Variants in CAB39L observed in about 807,000 individuals in gnomAD.
The protein encoded by CAB39L is calcium binding protein 39 like.
CAB39L carries 23 observed loss-of-function variants against 39.1 expected under a neutral mutation model. That is an observed-to-expected ratio of 0.59 (90% CI 0.42 to 0.83). The LOEUF (loss-of-function observed/expected upper bound fraction) is 0.83. Ranked by LOEUF, CAB39L falls within the 40% of genes least tolerant of loss-of-function variation. The pLI is 0.00. For synonymous variants in CAB39L, 126 were observed against 137.2 expected (o/e 0.92, Z 0.57); for missense variants, 366 against 391.9 (o/e 0.93, Z 0.56).
intron 4 of CAB39L, 142 bp from the exon 5 acceptor site, chr13:49,377,273 AAC>A (rs1956096471): frequency 2.5e-6 from 1 of 394,226 alleles, no homozygotes; most frequent in Non-Finnish European, 4.4e-6. Context: ...AACAAACAAA[AAC>A]AGTGAGGGGA....
chr13:49,337,460 C>G (rs1180174504), intron 9 of CAB39L, among the ~76,000 whole-genome samples: 1 of 152,156 alleles, frequency 6.6e-6, no homozygotes, highest in Non-Finnish European at 1.5e-5. Context: ...CCCACCTCCC[C>G]CTGGCCACAT....
chr13:49,424,375 C>T (rs115674289), intron 3 of CAB39L, among the ~76,000 whole-genome samples: 2,441 of 152,260 alleles, frequency 0.016, 65 homozygotes, highest in African/African-American at 0.055. Context: ...AACACTTTTA[C>T]AAAGCACTTA....
chr13:49,362,711 A>G (rs1300240563), intron 5 of CAB39L, among the ~76,000 whole-genome samples: 3 of 152,118 alleles, frequency 2.0e-5, no homozygotes, highest in Non-Finnish European at 4.4e-5. Context: ...AGAACTTCCC[A>G]AACCTAGAGA....
chr13:49,358,328 T>C (rs1038757533), intron 6 of CAB39L, among the ~76,000 whole-genome samples: 2 of 152,202 alleles, frequency 1.3e-5, no homozygotes, highest in African/African-American at 4.8e-5. Flanking sequence ...TATTAAAATT[T>C]AAAATTATGA....
chr13:49,338,429 C>T (rs1295687041), intron 9 of CAB39L, among the ~76,000 whole-genome samples: 1 of 146,414 alleles, frequency 6.8e-6, no homozygotes, highest in Non-Finnish European at 1.5e-5. Context: ...CATATTCTCA[C>T]TCATAGGTGG....
At chr13:49,408,434 T>A (rs2057412) in intron 3 of CAB39L, among the ~76,000 whole-genome samples, 4 of 152,118 alleles carry the variant, frequency 2.6e-5, no homozygotes, top group South Asian at 2.1e-4. Flanking sequence ...GAAAACAGAC[T>A]GGAGCAATAT....
chr13:49,364,518 G>A (rs1433104081), intron 5 of CAB39L, among the ~76,000 whole-genome samples: 1 of 152,116 alleles, frequency 6.6e-6, no homozygotes, highest in Non-Finnish European at 1.5e-5. Context: ...GTTTGCAGAT[G>A]ATAAAACCTT....
chr13:49,431,665 C>CCACTGCACTCCAGCCTGGACAA (rs1261630042), intron 3 of CAB39L, among the ~76,000 whole-genome samples: 3 of 151,720 alleles, frequency 2.0e-5, no homozygotes, highest in African/African-American at 2.4e-5. Context: ...CAAGATTGCA[C>CCACTGCACTCCAGCCTGGACAA]CACTGCACTC....
chr13:49,323,727 T>G (rs1954421809), intron 10 of CAB39L, among the ~76,000 whole-genome samples: 1 of 152,248 alleles, frequency 6.6e-6, no homozygotes, highest in South Asian at 2.1e-4. Context: ...CAGAAAGATT[T>G]TTTTAAAAGA....
chr13:49,412,355 CT>C (rs1957007215), intron 3 of CAB39L, among the ~76,000 whole-genome samples: 1 of 106,114 alleles, frequency 9.4e-6, no homozygotes, highest in Non-Finnish European at 2.0e-5. Flanking sequence ...TAAAATTTAC[CT>C]TTGCCATTTA....
chr13:49,330,352 C>A (rs2138387443), intron 10 of CAB39L, among the ~76,000 whole-genome samples: 1 of 152,254 alleles, frequency 6.6e-6, no homozygotes, highest in South Asian at 2.1e-4. Flanking sequence ...GGTGAGCAAT[C>A]CAACTTGTGT....
At chr13:49,436,991 G>A (rs115110110) in intron 1 of CAB39L, among the ~76,000 whole-genome samples, 25 of 151,510 alleles carry the variant, frequency 1.7e-4, no homozygotes, top group African/African-American at 5.8e-4. Context: ...GGCTGGGCTC[G>A]AACTCCTGGG....
intron 3 of CAB39L, among the ~76,000 whole-genome samples, chr13:49,387,252 T>C (rs1956386297): frequency 6.6e-6 from 1 of 152,048 alleles, no homozygotes; most frequent in Non-Finnish European, 1.5e-5. Context: ...AAGCCAAAAA[T>C]AAAGTGCTTA....
At chr13:49,413,130 C>CA (rs1451023734) in intron 3 of CAB39L, 1 of 140,446 alleles carries the variant, frequency 7.1e-6, no homozygotes, top group East Asian at 2.0e-4. Flanking sequence ...CAAAACAAAA[C>CA]AAAAAACCTT....
chr13:49,351,741 A>C (rs1315945746), intron 6 of CAB39L, among the ~76,000 whole-genome samples: 1 of 152,184 alleles, frequency 6.6e-6, no homozygotes, highest in Non-Finnish European at 1.5e-5. Context: ...AGCAGAACAG[A>C]GGACTGTGGG....
chr13:49,346,087 TATATATATGCTAG>T (rs1174733362), intron 7 of CAB39L, among the ~76,000 whole-genome samples: 2 of 119,418 alleles, frequency 1.7e-5, no homozygotes, highest in Non-Finnish European at 3.4e-5. Flanking sequence ...TATATATATA[TATATATATGCTAG>T]ATATATATAT....
chr13:49,380,303 T>C (rs1001787497), intron 4 of CAB39L, among the ~76,000 whole-genome samples: 2 of 152,236 alleles, frequency 1.3e-5, no homozygotes, highest in Admixed American at 1.3e-4. Context: ...ATTCCTCTGA[T>C]TTTCGAATGG....
intron 5 of CAB39L, among the ~76,000 whole-genome samples, chr13:49,363,861 G>T (rs1197995316): frequency 7.1e-6 from 1 of 141,708 alleles, no homozygotes. Context: ...AAAAGACACA[G>T]AATGGCTGAA....
rs987561896 is a variant in CAB39L, at chr13:49,345,387, A to C, written c.565-1149T>G. ...TGGCTCTTAATTCCCTATTGCTATC[A>C]CACAACTTGATCAACCACTGGGCCT... On this transcript the variant is annotated intron_variant, in intron 7 of 10. Transcript: ENST00000409308. 3.3e-5 allele frequency among the ~76,000 whole-genome samples: 5 copies of C among 152,180 alleles called. No homozygotes were observed. In the South Asian group the frequency reaches 1.0e-3, roughly 31 times the overall value.
Sources: allele counts gnomAD v4.1 joint callset (sites outside exome capture counted in the v4.1 genomes callset), GRCh38; gene constraint gnomAD v4.1.1; transcripts MANE v1.5; gene names NCBI Gene and HGNC (gene_info 2026-07-23, HGNC 2026-07-21).